WDTC1: variants seen among roughly 807,000 people sequenced by gnomAD.
The protein encoded by WDTC1 is WD and tetratricopeptide repeats 1.
Under a neutral mutation model 76.0 loss-of-function variants are expected in WDTC1, and 12 were observed. That is an observed-to-expected ratio of 0.16 (90% CI 0.10 to 0.26). The LOEUF (loss-of-function observed/expected upper bound fraction) is 0.26. Ranked by LOEUF, WDTC1 falls within the 10% of genes least tolerant of loss-of-function variation. The pLI, the probability that WDTC1 is intolerant of heterozygous loss-of-function variation, is 1.00. For synonymous variants in WDTC1, 326 were observed against 350.8 expected (o/e 0.93, Z 0.79); for missense variants, 511 against 908.8 (o/e 0.56, Z 5.63).
At chr1:27,294,766 G>A in intron 9 of WDTC1, 137 bp downstream of exon 9, 1 of 704,810 alleles carries the variant, frequency 1.4e-6, no homozygotes, top group South Asian at 1.9e-5. Context: ...AAATGTGGGG[G>A]TGATGTGGCA....
Position 27,274,302 on chromosome 1 carries a change from A to G in WDTC1, c.133-7937A>G, listed in dbSNP as rs181081503. ...GAGACACTGTCTTTAAAAAAGAGAG[A>G]GAGAGAGAGGGAAAGAAAAAAGAAA... On this transcript the variant is annotated intron_variant, in intron 3 of 15. Transcript: ENST00000319394. This position sits in a 1 kb window ranked among gnomAD's most constrained non-coding sequence, Gnocchi z 4.2. Among the ~76,000 whole-genome samples the G allele has an allele frequency of 2.4e-3, 363 of 151,952 alleles. 1 individual carries two copies. Among genetic ancestry groups the G allele is most frequent in the African/African-American group, 8.4e-3 (347 of 41,448 alleles).
intron 1 of WDTC1, among the ~76,000 whole-genome samples, chr1:27,256,260 C>G (rs568262739): frequency 6.6e-6 from 1 of 152,228 alleles, no homozygotes; most frequent in East Asian, 1.9e-4. Flanking sequence ...TGTGGCCACC[C>G]CTTGCTACAC....
At chr1:27,294,185 G>C in intron 8 of WDTC1, 69 bp downstream of exon 8, 1 of 1,506,356 alleles carries the variant, frequency 6.6e-7, no homozygotes, top group East Asian at 2.3e-5. Context: ...GCAGTCCAGG[G>C]AGACAGCATG....
chr1:27,284,378 C>T (rs571434563), intron 5 of WDTC1, among the ~76,000 whole-genome samples: 8 of 152,258 alleles, frequency 5.3e-5, no homozygotes, highest in South Asian at 2.1e-4. Flanking sequence ...AGTTGTCCTT[C>T]GGAAACCCTC....
intron 5 of WDTC1, among the ~76,000 whole-genome samples, chr1:27,286,493 G>A (rs1232398905): frequency 3.2e-4 from 35 of 111,040 alleles, no homozygotes; most frequent in African/African-American, 1.1e-3. Flanking sequence ...TTTTTGAGAT[G>A]GAGTCTCGCT....
At chr1:27,241,010 G>A (rs147357739) in intron 1 of WDTC1, among the ~76,000 whole-genome samples, 40 of 151,572 alleles carry the variant, frequency 2.6e-4, no homozygotes, top group Non-Finnish European at 4.6e-4. Context: ...CCTGAATAAG[G>A]GGAGGATGCA....
chr1:27,258,345 C>T (rs2012353303), intron 1 of WDTC1, among the ~76,000 whole-genome samples: 1 of 151,464 alleles, frequency 6.6e-6, no homozygotes, highest in South Asian at 2.1e-4. Context: ...CCAGCCTGGT[C>T]AACATAGTGA....
intron 3 of WDTC1, among the ~76,000 whole-genome samples, chr1:27,264,400 G>C (rs754493976): frequency 3.2e-4 from 49 of 152,086 alleles, no homozygotes; most frequent in Admixed American, 9.2e-4. Context: ...TCCAGCCTGA[G>C]CAATATAGCA....
At chr1:27,283,575 G>C (rs1490253866) in intron 5 of WDTC1, 126 bp downstream of exon 5, 52 of 738,306 alleles carry the variant, frequency 7.0e-5, no homozygotes, top group Non-Finnish European at 1.1e-4. Flanking sequence ...ACAACCTTAT[G>C]ATCTAAGTAT....
chr1:27,300,342 A>G (rs2013800654), intron 12 of WDTC1, among the ~76,000 whole-genome samples: 1 of 151,850 alleles, frequency 6.6e-6, no homozygotes, highest in Non-Finnish European at 1.5e-5. Flanking sequence ...AAAAAAAAAA[A>G]TGGCTTCTGA....
intron 3 of WDTC1, among the ~76,000 whole-genome samples, chr1:27,276,321 A>G (rs2013026919): frequency 6.6e-6 from 1 of 152,210 alleles, no homozygotes; most frequent in Non-Finnish European, 1.5e-5. Flanking sequence ...CCAAAGTGGT[A>G]CCACCATTTT....
chr1:27,237,889 A>AAG (rs2011527076), intron 1 of WDTC1, among the ~76,000 whole-genome samples: 1 of 151,830 alleles, frequency 6.6e-6, no homozygotes, highest in Non-Finnish European at 1.5e-5. Flanking sequence ...AAGAAAAGAA[A>AAG]AAAAAGAAAG....
intron 1 of WDTC1, among the ~76,000 whole-genome samples, chr1:27,252,254 G>A (rs2012095151): frequency 6.6e-6 from 1 of 151,886 alleles, no homozygotes; most frequent in Non-Finnish European, 1.5e-5. Flanking sequence ...GGGTGAGGTG[G>A]CAGGATTGCT....
intron 8 of WDTC1, 139 bp from the exon 9 acceptor site, chr1:27,294,375 A>G (rs2013625356): frequency 1.3e-6 from 1 of 764,916 alleles, no homozygotes; most frequent in Non-Finnish European, 2.1e-6. Flanking sequence ...AGCCCAGTGC[A>G]TATAGTAAGG....
intron 12 of WDTC1, 102 bp downstream of exon 12, chr1:27,298,213 G>A: frequency 7.0e-7 from 1 of 1,421,258 alleles, no homozygotes; most frequent in Non-Finnish European, 9.4e-7. Flanking sequence ...GGCATCCAGG[G>A]AAAGTGGCAA....
chr1:27,264,379 A>C (rs1229719608), intron 3 of WDTC1, among the ~76,000 whole-genome samples: 1 of 152,136 alleles, frequency 6.6e-6, no homozygotes, highest in Non-Finnish European at 1.5e-5. Context: ...GCTTGAGCCC[A>C]GGAGTTCAAG....
chr1:27,283,916 T>A (rs2013261429), intron 5 of WDTC1, among the ~76,000 whole-genome samples: 1 of 152,218 alleles, frequency 6.6e-6, no homozygotes. Flanking sequence ...GACAGTTCAA[T>A]GAGATAATTG....
intron 12 of WDTC1, among the ~76,000 whole-genome samples, chr1:27,300,976 G>C (rs2013817472): frequency 1.3e-5 from 2 of 152,212 alleles, no homozygotes; most frequent in Non-Finnish European, 2.9e-5. Context: ...GTGCCCAGCA[G>C]AGGGCAGCCT....
intron 12 of WDTC1, among the ~76,000 whole-genome samples, chr1:27,299,105 G>T (rs1178469374): frequency 6.6e-6 from 1 of 152,208 alleles, no homozygotes; most frequent in Non-Finnish European, 1.5e-5. Context: ...GTAGAACTCA[G>T]TGGTCCTCAT....
Sources: allele counts gnomAD v4.1 joint callset (sites outside exome capture counted in the v4.1 genomes callset), GRCh38; gene constraint gnomAD v4.1.1; non-coding constraint Gnocchi (gnomAD v3.1); transcripts MANE v1.5; gene names NCBI Gene and HGNC (gene_info 2026-07-23, HGNC 2026-07-21).